Variants in PRKD1 observed in about 807,000 individuals in gnomAD.
PRKD1 encodes the protein serine/threonine-protein kinase D1.
Under a neutral mutation model 95.9 loss-of-function variants are expected in PRKD1, and 63 were observed. That is an observed-to-expected ratio of 0.66 (90% CI 0.54 to 0.81). PRKD1 has a LOEUF of 0.81. Among genes scored for constraint, PRKD1 ranks in the 30% least tolerant of loss-of-function variants. PRKD1 has a pLI of 0.00. For missense variants in PRKD1, 1,048 were observed against 1,165.3 expected (o/e 0.90, Z 1.47); for synonymous variants, 425 against 423.1 (o/e 1.00, Z -0.05).
At chr14:29,908,851 C>T (rs574981376) in intron 1 of PRKD1, among the ~76,000 whole-genome samples, 15 of 152,234 alleles carry the variant, frequency 9.9e-5, no homozygotes, top group African/African-American at 3.1e-4. Flanking sequence ...TGGCAGCCCT[C>T]GCTCATTCTG....
intron 2 of PRKD1, among the ~76,000 whole-genome samples, chr14:29,703,743 C>T (rs1466844621): frequency 6.6e-6 from 1 of 152,072 alleles, no homozygotes; most frequent in Non-Finnish European, 1.5e-5. Flanking sequence ...GACAACTAAT[C>T]AGTCATGCAA....
chr14:29,744,161 T>C (rs977438362), intron 1 of PRKD1, among the ~76,000 whole-genome samples: 2 of 152,168 alleles, frequency 1.3e-5, no homozygotes, highest in Non-Finnish European at 2.9e-5. Flanking sequence ...ATCTAACTGA[T>C]ACACCATCTC....
Position 29,624,202 on chromosome 14 carries a change from A to G in PRKD1, c.1855T>C (p.Phe619Leu). ...VAIKIIDKLR[F>L]PTKQESQLRN... ...AGCTGGCTTTCTTGTTTTGTTGGAA[A>G]TCGTAATTTGTCAATGATTTTAATA... Residue 619 changes from phenylalanine to leucine, a missense_variant, in exon 13 of 18, where the codon TTT becomes CTT. Physicochemically the swap from Phe to Leu is conservative, Grantham distance 22. Coordinates refer to ENST00000331968, the MANE Select transcript of PRKD1 (RefSeq NM_002742.3). 6.2e-7 allele frequency: 1 copy of G among 1,605,544 alleles called. No individual in the cohort carries two copies. Among genetic ancestry groups the G allele is most frequent in the Non-Finnish European group, 8.5e-7 (1 of 1,175,604 alleles).
chr14:29,677,369 A>G (rs1285073844), intron 2 of PRKD1, among the ~76,000 whole-genome samples: 1 of 152,210 alleles, frequency 6.6e-6, no homozygotes, highest in African/African-American at 2.4e-5. Flanking sequence ...AACTAATAAT[A>G]GGGAATTTCT....
At chr14:29,866,291 T>C (rs1204885143) in intron 1 of PRKD1, among the ~76,000 whole-genome samples, 4 of 152,156 alleles carry the variant, frequency 2.6e-5, no homozygotes, top group African/African-American at 9.6e-5. Flanking sequence ...ACTACAATCA[T>C]TTTATATACA....
intron 1 of PRKD1, among the ~76,000 whole-genome samples, chr14:29,812,393 A>G (rs2139246463): frequency 6.6e-6 from 1 of 152,328 alleles, no homozygotes; most frequent in Middle Eastern, 3.4e-3. Flanking sequence ...CTTGAATACA[A>G]AATCTGCAAA....
intron 1 of PRKD1, among the ~76,000 whole-genome samples, chr14:29,909,490 C>T (rs528753161): frequency 6.6e-6 from 1 of 152,312 alleles, no homozygotes; most frequent in East Asian, 1.9e-4. Context: ...CTAGTAGGGA[C>T]TCGGAGAACC....
chr14:29,697,815 G>T (rs1884612994), intron 2 of PRKD1, among the ~76,000 whole-genome samples: 1 of 151,990 alleles, frequency 6.6e-6, no homozygotes, highest in Non-Finnish European at 1.5e-5. Flanking sequence ...TAATGAAATT[G>T]TATAACTCCC....
At chr14:29,733,884 A>G (rs2139416564) in intron 1 of PRKD1, among the ~76,000 whole-genome samples, 1 of 152,124 alleles carries the variant, frequency 6.6e-6, no homozygotes, top group African/African-American at 2.4e-5. Context: ...TGGTTATTTT[A>G]TATGTGTTCC....
At position 29,825,140 on chromosome 14, in the gene PRKD1, T is replaced by C. The variant is rs189428480; in HGVS notation, c.265-99466A>G. The stretch of plus-strand genomic sequence containing the variant: ...TTTTCCTTAATGTGGAATTCAAAGA[T>C]ATGTGGTCTTTCTTGAGTTTCAGAA... On this transcript the variant is annotated intron_variant, in intron 1 of 17. Coordinates refer to ENST00000331968, the MANE Select transcript of PRKD1 (RefSeq NM_002742.3). Among the ~76,000 whole-genome samples, 4 of 152,184 alleles carry C rather than the reference T, an allele frequency of 2.6e-5. No individual in the cohort carries two copies. The East Asian group carries it at 5.8e-4, about 22-fold the overall frequency.
intron 1 of PRKD1, among the ~76,000 whole-genome samples, chr14:29,826,832 T>C (rs10149206): frequency 0.037 from 1,075 of 28,674 alleles, 192 homozygotes; most frequent in Admixed American, 0.057. Flanking sequence ...TATATATATA[T>C]ATATATACAC....
At chr14:29,849,280 C>T (rs1892205142) in intron 1 of PRKD1, among the ~76,000 whole-genome samples, 1 of 152,202 alleles carries the variant, frequency 6.6e-6, no homozygotes, top group South Asian at 2.1e-4. Context: ...GCTTCTCATT[C>T]ACTTTCCACC....
chr14:29,894,449 A>T (rs746832022), intron 1 of PRKD1, among the ~76,000 whole-genome samples: 2 of 152,232 alleles, frequency 1.3e-5, no homozygotes, highest in Non-Finnish European at 2.9e-5. Flanking sequence ...CTTGGAGTAC[A>T]GAGTAAAGAA....
Position 29,666,113 on chromosome 14 carries a change from G to A in PRKD1, c.499C>T (p.Leu167=). The A allele has an allele frequency of 6.2e-7, 1 of 1,602,416 alleles. No individual in the cohort carries two copies. The highest frequency in any genetic ancestry group is 8.5e-7 in the Non-Finnish European group (1 of 1,172,076). The change falls in exon 3 of 18, where the codon CTG becomes TTG. Residue 167 remains leucine, a synonymous_variant. Coordinates refer to ENST00000331968, the MANE Select transcript of PRKD1 (RefSeq NM_002742.3). ...AGACCTTGACGTACCAGCCCCCACAGCATTTCTCCACAGTGATCACAGAAA... is the reference window on the plus strand; with the variant it reads ...AGACCTTGACGTACCAGCCCCCACAACATTTCTCCACAGTGATCACAGAAA... The part of the protein sequence containing the change: ...PAFCDHCGEM[L]WGLVRQGLKC...
chr14:29,579,908 C>T (rs185978804), intron 16 of PRKD1, among the ~76,000 whole-genome samples: 6 of 152,234 alleles, frequency 3.9e-5, no homozygotes, highest in Admixed American at 3.3e-4. Context: ...AAGTATAGTT[C>T]TGTGAACTGC....
intron 1 of PRKD1, among the ~76,000 whole-genome samples, chr14:29,753,638 C>CATA (rs1407850220): frequency 6.6e-6 from 1 of 152,068 alleles, no homozygotes; most frequent in Non-Finnish European, 1.5e-5. Context: ...AGCAAGCCAT[C>CATA]ATAATGTTTC....
intron 4 of PRKD1, among the ~76,000 whole-genome samples, chr14:29,656,725 C>G (rs1881865812): frequency 6.6e-6 from 1 of 151,936 alleles, no homozygotes; most frequent in African/African-American, 2.4e-5. Context: ...ACTATAGACA[C>G]TAAGTAAAAA....
chr14:29,672,024 G>T (rs1191030982), intron 2 of PRKD1, among the ~76,000 whole-genome samples: 1 of 152,118 alleles, frequency 6.6e-6, no homozygotes, highest in Non-Finnish European at 1.5e-5. Flanking sequence ...AGTCTTAACA[G>T]AAATCAATGT....
At chr14:29,599,579 C>T in intron 14 of PRKD1, 77 bp downstream of exon 14, 1 of 1,403,214 alleles carries the variant, frequency 7.1e-7, no homozygotes, top group Non-Finnish European at 9.8e-7. Flanking sequence ...AACAACAAGG[C>T]TAGAAAGCTG....
Sources: allele counts gnomAD v4.1 joint callset (sites outside exome capture counted in the v4.1 genomes callset), GRCh38; gene constraint gnomAD v4.1.1; transcripts MANE v1.5; gene names NCBI Gene and HGNC (gene_info 2026-07-23, HGNC 2026-07-21).